TMEM117: variants seen among roughly 807,000 people sequenced by gnomAD.
TMEM117 encodes the protein transmembrane protein 117.
TMEM117 carries 27 observed loss-of-function variants against 52.4 expected under a neutral mutation model. The observed-to-expected ratio is 0.51, with a 90% confidence interval of 0.38 to 0.71. The LOEUF is 0.71. Among genes scored for constraint, TMEM117 ranks in the 30% least tolerant of loss-of-function variants. The probability of loss-of-function intolerance (pLI) is 0.00; values close to 1 mark genes in which losing one functional copy is unlikely to be tolerated. For synonymous variants in TMEM117, 215 were observed against 206.3 expected, an observed-to-expected ratio of 1.04 and a Z score of -0.36; for missense variants, 556 against 630.5, an observed-to-expected ratio of 0.88 and a Z score of 1.26.
intron 7 of TMEM117, among the ~76,000 whole-genome samples, chr12:44,383,226 AATATT>A (rs1205843587): frequency 2.0e-5 from 3 of 152,176 alleles, no homozygotes; most frequent in Admixed American, 1.3e-4. Context: ...AAAGATTAAA[AATATT>A]ATATTTGCAT....
chr12:44,002,124 AG>A (rs1946125984), intron 3 of TMEM117, among the ~76,000 whole-genome samples: 1 of 152,176 alleles, frequency 6.6e-6, no homozygotes, highest in Admixed American at 6.5e-5. Context: ...AACAACAAAA[AG>A]CCCAGACCAT....
At chr12:44,165,731 A>G (rs1036417813) in intron 4 of TMEM117, among the ~76,000 whole-genome samples, 6 of 152,190 alleles carry the variant, frequency 3.9e-5, no homozygotes, top group African/African-American at 1.4e-4. Context: ...TAAAGCAATT[A>G]TTATTAGATA....
At chr12:44,120,346 C>A (rs889401364) in intron 3 of TMEM117, among the ~76,000 whole-genome samples, 9 of 152,138 alleles carry the variant, frequency 5.9e-5, no homozygotes, top group Non-Finnish European at 1.2e-4. Context: ...AAGGTGCTGT[C>A]TACCTATTTT....
At chr12:44,253,877 C>CACACACACA (rs1950224666) in intron 5 of TMEM117, among the ~76,000 whole-genome samples, 4 of 148,380 alleles carry the variant, frequency 2.7e-5, no homozygotes, top group Admixed American at 6.7e-5. Flanking sequence ...CACACACACA[C>CACACACACA]CTTCTCTCTC....
intron 3 of TMEM117, among the ~76,000 whole-genome samples, chr12:44,100,758 G>T (rs1947847456): frequency 6.6e-6 from 1 of 151,856 alleles, no homozygotes. Context: ...GTTTTCTTCT[G>T]CATCTCCAGT....
chr12:43,961,968 G>T (rs1017945525), intron 3 of TMEM117, among the ~76,000 whole-genome samples: 2 of 152,140 alleles, frequency 1.3e-5, no homozygotes, highest in African/African-American at 4.8e-5. Context: ...TCTGTGGCAG[G>T]TTATCCTATT....
chr12:43,999,291 A>G (rs1160546068), intron 3 of TMEM117, among the ~76,000 whole-genome samples: 1 of 152,194 alleles, frequency 6.6e-6, no homozygotes, highest in Non-Finnish European at 1.5e-5. Flanking sequence ...CATGCTTCCA[A>G]AAAGGTTTCT....
chr12:44,138,031 G>A lies in TMEM117; in HGVS notation c.411-5494G>A, dbSNP rs528914042. Reference sequence around the variant, plus strand: ...CCCCAATAAACCCCTGGGAAGGAAAGGTATTTTTATTCCCACTATATAGAT... The same window carrying A: ...CCCCAATAAACCCCTGGGAAGGAAAAGTATTTTTATTCCCACTATATAGAT... On this transcript the variant is annotated intron_variant, in intron 3 of 7. Coordinates refer to ENST00000266534, the MANE Select transcript of TMEM117 (RefSeq NM_032256.3). Among the ~76,000 whole-genome samples the A allele has an allele frequency of 5.9e-5, 9 of 152,176 alleles. 1 individual carries two copies. In the South Asian group the frequency reaches 1.9e-3, roughly 32 times the overall value.
At chr12:43,840,471 C>T (rs1335583423) in intron 1 of TMEM117, among the ~76,000 whole-genome samples, 2 of 152,114 alleles carry the variant, frequency 1.3e-5, no homozygotes, top group South Asian at 2.1e-4. Context: ...TTACTGGCCA[C>T]GTCATCAATG....
intron 3 of TMEM117, among the ~76,000 whole-genome samples, chr12:43,953,086 A>G (rs1945250994): frequency 6.6e-6 from 1 of 152,074 alleles, no homozygotes; most frequent in Non-Finnish European, 1.5e-5. Context: ...TTTCAGACAA[A>G]CAAATGCTGA....
In TMEM117 at chr12:44,023,274, G is replaced by T. The variant is rs143231327; in HGVS notation, c.410+78932G>T. ...AGTCTTTGCTATTGTGAATAGTGCC[G>T]CAATAAACATACGTGTGCATTTGTC... On this transcript the variant is annotated intron_variant, in intron 3 of 7. Transcript: ENST00000266534. Among the ~76,000 whole-genome samples the T allele has an allele frequency of 7.2e-3, 1,099 of 152,234 alleles. 17 individuals are homozygous for T. Among genetic ancestry groups the T allele is most frequent in the African/African-American group, 0.026 (1,064 of 41,540 alleles).
upstream of TMEM117, among the ~76,000 whole-genome samples, chr12:43,833,798 G>GA (rs529624445): frequency 0.041 from 6,034 of 145,466 alleles, 391 homozygotes; most frequent in African/African-American, 0.14. Flanking sequence ...CTTTAAAAAA[G>GA]AAAAAAAAAA....
chr12:44,350,499 C>A (rs1460796098), intron 6 of TMEM117, among the ~76,000 whole-genome samples: 1 of 151,940 alleles, frequency 6.6e-6, no homozygotes, highest in African/African-American at 2.4e-5. Context: ...TTGTTTCTAA[C>A]TATTTTTTGT....
chr12:43,833,134 C>A (rs1347366707), upstream of TMEM117, among the ~76,000 whole-genome samples: 1 of 152,142 alleles, frequency 6.6e-6, no homozygotes, highest in Admixed American at 6.5e-5. Flanking sequence ...ACTCTCTAAG[C>A]CCTGAGGTTT....
intron 6 of TMEM117, among the ~76,000 whole-genome samples, chr12:44,309,094 A>G (rs1044258545): frequency 2.0e-5 from 3 of 152,154 alleles, no homozygotes; most frequent in African/African-American, 7.2e-5. Flanking sequence ...TTCATTTTAA[A>G]CTCATGCCTA....
intron 4 of TMEM117, among the ~76,000 whole-genome samples, chr12:44,195,669 G>A (rs77396210): frequency 0.049 from 7,506 of 151,988 alleles, 622 homozygotes; most frequent in African/African-American, 0.17. Flanking sequence ...AGGAAACAAA[G>A]CATTTTTAGG....
At chr12:44,165,288 A>G (rs1948951087) in intron 4 of TMEM117, among the ~76,000 whole-genome samples, 1 of 152,240 alleles carries the variant, frequency 6.6e-6, no homozygotes, top group Non-Finnish European at 1.5e-5. Flanking sequence ...ACAATAAGCA[A>G]TGAGAGAAGG....
At chr12:43,952,440 A>T (rs1945239567) in intron 3 of TMEM117, among the ~76,000 whole-genome samples, 1 of 152,076 alleles carries the variant, frequency 6.6e-6, no homozygotes, top group South Asian at 2.1e-4. Flanking sequence ...TCTGTAGAGG[A>T]ACATAAATGA....
At chr12:43,852,123 C>T (rs1380418656) in intron 2 of TMEM117, among the ~76,000 whole-genome samples, 2 of 150,114 alleles carry the variant, frequency 1.3e-5, no homozygotes, top group Non-Finnish European at 3.0e-5. Flanking sequence ...ATGGTGAAAC[C>T]CTGTCTGTAC....
Sources: gnomAD v4.1 joint callset for allele counts (sites outside exome capture counted in the v4.1 genomes callset) on GRCh38, gnomAD v4.1.1 for gene constraint, MANE v1.5 for transcripts, NCBI Gene and HGNC (gene_info 2026-07-23, HGNC 2026-07-21) for gene names.